Variants in NLRP9 observed in about 807,000 individuals in gnomAD.
NLRP9 encodes the protein NLR family pyrin domain containing 9, also known as NACHT, LRR and PYD domains-containing protein 9.
Under a neutral mutation model 83.1 loss-of-function variants are expected in NLRP9, and 88 were observed. The ratio of observed to expected loss-of-function variants is 1.06; its 90% CI spans 0.89 to 1.26. NLRP9 has a LOEUF of 1.26. Ranked by LOEUF, NLRP9 falls within the 50% of genes most tolerant of loss-of-function variation. NLRP9 has a pLI of 0.00. For missense variants in NLRP9, 1,308 were observed against 1,179.3 expected (o/e 1.11, Z -1.60); for synonymous variants, 521 against 447.6 (o/e 1.16, Z -2.07).
intron 4 of NLRP9, among the ~76,000 whole-genome samples, chr19:55,720,330 TA>T (rs1482696753): frequency 1.3e-5 from 2 of 152,076 alleles, no homozygotes; most frequent in Non-Finnish European, 2.9e-5. Context: ...TGGAAACAAT[TA>T]TTTTCTTTTG....
chr19:55,732,457 C>T lies in NLRP9; in HGVS notation c.1374G>A (p.Leu458=). The T allele has an allele frequency of 6.2e-7, 1 of 1,614,194 alleles. No individual in the cohort carries two copies. The highest frequency in any genetic ancestry group is 8.5e-7 in the Non-Finnish European group (1 of 1,180,036). ...TAGGATCGTCTTTGGGTCGTTTGAG[C>T]AAATAAAACATGGCGGCACAAAACT... The part of the protein sequence containing the change: ...IQEFCAAMFY[L]LKRPKDDPNP... The change falls in exon 2 of 9, where the codon TTG becomes TTA. Residue 458 remains leucine (L), a synonymous_variant. Coordinates refer to ENST00000332836, the MANE Select transcript of NLRP9 (RefSeq NM_176820.4).
chr19:55,732,484 T>A lies in NLRP9; in HGVS notation c.1347A>T (p.Gln449His). 1 of 1,614,220 alleles carries A rather than the reference T, an allele frequency of 6.2e-7. No homozygotes were observed. Among genetic ancestry groups the A allele is most frequent in the Non-Finnish European group, 8.5e-7 (1 of 1,180,034 alleles). The change falls in exon 2 of 9, where the codon CAA becomes CAT. Residue 449 changes from glutamine (Q) to histidine (H), a missense_variant. By Grantham distance (24) the Gln-to-His change is conservative. Transcript: ENST00000332836. ...AATAAAACATGGCGGCACAAAACTC[T>A]TGGATACACAGATGCATGAAGGCAA... Reference protein sequence around the residue: ...DCFAFMHLCIQEFCAAMFYLL... With the variant: ...DCFAFMHLCIHEFCAAMFYLL...
chr19:55,715,666 A>G (rs1987980595), intron 5 of NLRP9, among the ~76,000 whole-genome samples: 1 of 152,192 alleles, frequency 6.6e-6, no homozygotes, highest in African/African-American at 2.4e-5. Flanking sequence ...CCTGGGCAAC[A>G]AGAGCGAAAC....
At chr19:55,714,873 T>C (rs1987945432) in intron 6 of NLRP9, among the ~76,000 whole-genome samples, 182 bp downstream of exon 6, 1 of 152,074 alleles carries the variant, frequency 6.6e-6, no homozygotes, top group Non-Finnish European at 1.5e-5. Flanking sequence ...CCTCATAACC[T>C]CATCACCTCC....
chr19:55,733,982 G>A (rs1253133009), intron 1 of NLRP9, among the ~76,000 whole-genome samples: 1 of 144,484 alleles, frequency 6.9e-6, no homozygotes, highest in Admixed American at 7.0e-5. Flanking sequence ...GAGTGCAGTG[G>A]CGGGATCTCG....
At chr19:55,735,590 T>C (rs1988763529) in intron 1 of NLRP9, among the ~76,000 whole-genome samples, 1 of 152,256 alleles carries the variant, frequency 6.6e-6, no homozygotes, top group Admixed American at 6.5e-5. Flanking sequence ...ATACTGTATA[T>C]ACTATTTTCA....
chr19:55,734,941 T>A (rs1600144013), intron 1 of NLRP9, among the ~76,000 whole-genome samples: 1 of 152,046 alleles, frequency 6.6e-6, no homozygotes, highest in East Asian at 1.9e-4. Flanking sequence ...AGCCACAAAA[T>A]ATATATTTTA....
At chr19:55,716,258 T>TC (rs1491260145) in intron 5 of NLRP9, among the ~76,000 whole-genome samples, 4 of 82,212 alleles carry the variant, frequency 4.9e-5, no homozygotes, top group African/African-American at 2.1e-4. Context: ...AAAAATTTTC[T>TC]TTTTTTTTTT....
At chr19:55,722,762 G>C (rs1400211696) in intron 4 of NLRP9, among the ~76,000 whole-genome samples, 3 of 152,128 alleles carry the variant, frequency 2.0e-5, no homozygotes, top group Non-Finnish European at 4.4e-5. Flanking sequence ...GCCCATCAAT[G>C]ATAGACTGGA....
intron 8 of NLRP9, chr19:55,711,373 T>C: frequency 1.6e-6 from 2 of 1,231,410 alleles, no homozygotes; most frequent in Non-Finnish European, 2.1e-6. Context: ...AGAACAACGT[T>C]AACTGCTGCC....
intron 5 of NLRP9, among the ~76,000 whole-genome samples, chr19:55,715,810 G>A (rs1987986588): frequency 6.6e-6 from 1 of 152,206 alleles, no homozygotes; most frequent in Admixed American, 6.5e-5. Context: ...CCAGCTGGAA[G>A]ACCTAGGGCA....
chr19:55,726,214 G>A (rs761637705), intron 3 of NLRP9, among the ~76,000 whole-genome samples: 6 of 152,186 alleles, frequency 3.9e-5, no homozygotes, highest in East Asian at 1.9e-4. Flanking sequence ...GCAAACAATC[G>A]AGTCAACAGA....
intron 4 of NLRP9, among the ~76,000 whole-genome samples, chr19:55,721,922 C>CAA (rs34082152): frequency 0.14 from 21,202 of 152,202 alleles, 1,585 homozygotes; most frequent in Middle Eastern, 0.2. Context: ...CATCGAACTG[C>CAA]AAGTCCAATA....
At chr19:55,716,323 A>G (rs574725765) in intron 5 of NLRP9, among the ~76,000 whole-genome samples, 16 of 150,056 alleles carry the variant, frequency 1.1e-4, no homozygotes, top group Admixed American at 6.7e-5. Context: ...CAGTGGCACA[A>G]TCTCGGCTCA....
At chr19:55,723,727 C>CAAAAAAA (rs10711721) in intron 4 of NLRP9, among the ~76,000 whole-genome samples, 8 of 79,820 alleles carry the variant, frequency 1.0e-4, no homozygotes, top group African/African-American at 2.6e-4. Flanking sequence ...GACCCTGTCT[C>CAAAAAAA]AAAAAAAAAA....
rs189049557 is a variant in NLRP9 at position 55,708,474 on chromosome 19, C to T, written c.*438G>A. 6.5e-6 allele frequency: 1 copy of T among 152,810 alleles called. No individual in the cohort carries two copies. Among genetic ancestry groups the T allele is most frequent in the South Asian group, 2.1e-4 (1 of 4,838 alleles). The allele number at this position is 152,810 out of a possible 1,614,324, so 9.5% of individuals were successfully genotyped here. On this transcript the variant is annotated 3_prime_UTR_variant, in exon 9 of 9. Coordinates refer to ENST00000332836, the MANE Select transcript of NLRP9 (RefSeq NM_176820.4). ...TTTTTTATTGGACAAGAAAATTGAT[C>T]AAATCGAAATCTGGACAAACTAGAA...
chr19:55,711,324 T>TTTCA (rs1600122959), intron 8 of NLRP9: 1 of 989,190 alleles, frequency 1.0e-6, no homozygotes. Flanking sequence ...ATCCTACAGA[T>TTTCA]TTCAAATAGG....
At chr19:55,722,176 T>TGAA (rs34963412) in intron 4 of NLRP9, among the ~76,000 whole-genome samples, 47,832 of 151,852 alleles carry the variant, frequency 0.31, 8,123 homozygotes, top group African/African-American at 0.44. Flanking sequence ...CTGAAGTAAA[T>TGAA]GAATAGTTAG....
intron 5 of NLRP9, 126 bp from the exon 6 acceptor site, chr19:55,715,351 C>A (rs1189623087): frequency 1.2e-6 from 1 of 800,602 alleles, no homozygotes; most frequent in South Asian, 2.0e-5. Flanking sequence ...TTGTCCCAGG[C>A]AAAACCTTTC....
Sources: allele counts gnomAD v4.1 joint callset (sites outside exome capture counted in the v4.1 genomes callset), GRCh38; gene constraint gnomAD v4.1.1; transcripts MANE v1.5; gene names NCBI Gene and HGNC (gene_info 2026-07-23, HGNC 2026-07-21).